Variants in TLK1 observed in about 807,000 individuals in gnomAD.
TLK1 encodes tousled like kinase 1, also known as serine/threonine-protein kinase tousled-like 1.
TLK1 carries 24 observed loss-of-function variants against 105.3 expected under a neutral mutation model. The ratio of observed to expected loss-of-function variants is 0.23; its 90% CI spans 0.17 to 0.32. The LOEUF (loss-of-function observed/expected upper bound fraction) is 0.32, where lower values mean the gene tolerates loss of function less well. Among genes scored for constraint, TLK1 ranks in the 10% least tolerant of loss-of-function variants. The probability of loss-of-function intolerance (pLI) is 1.00; values close to 1 mark genes in which losing one functional copy is unlikely to be tolerated. For synonymous variants in TLK1, 321 were observed against 310.4 expected (o/e 1.03, Z -0.36); for missense variants, 558 against 910.5 (o/e 0.61, Z 4.98).
chr2:171,185,274 T>C (rs907262135), intron 1 of TLK1, among the ~76,000 whole-genome samples: 25 of 152,196 alleles, frequency 1.6e-4, no homozygotes, highest in African/African-American at 5.5e-4. Flanking sequence ...TTAACTGCTG[T>C]CTCTGGTTTT....
At chr2:171,048,928 A>C (rs958788733) in intron 10 of TLK1, among the ~76,000 whole-genome samples, 10 of 152,254 alleles carry the variant, frequency 6.6e-5, no homozygotes, top group African/African-American at 2.4e-4. Flanking sequence ...AGCACTCCTT[A>C]ACACATAAAC....
chr2:171,044,631 G>A (rs1469581808), intron 11 of TLK1, among the ~76,000 whole-genome samples: 1 of 152,080 alleles, frequency 6.6e-6, no homozygotes, highest in Non-Finnish European at 1.5e-5. Context: ...AACCCTAAGA[G>A]TAGATACTAC....
At chr2:171,085,250 G>A (rs1187515903) in intron 2 of TLK1, among the ~76,000 whole-genome samples, 1 of 151,974 alleles carries the variant, frequency 6.6e-6, no homozygotes, top group African/African-American at 2.4e-5. Flanking sequence ...TTAGCCAGGC[G>A]TGATGGTGCA....
chr2:171,148,987 G>C (rs927472624), intron 1 of TLK1, among the ~76,000 whole-genome samples: 2 of 143,386 alleles, frequency 1.4e-5, no homozygotes, highest in African/African-American at 2.6e-5. Context: ...AGTTGATTTT[G>C]TTGATATGTA....
chr2:171,122,757 G>A (rs886925618), intron 1 of TLK1, among the ~76,000 whole-genome samples: 1 of 151,468 alleles, frequency 6.6e-6, no homozygotes, highest in Non-Finnish European at 1.5e-5. Context: ...TTTTATAATA[G>A]GCCAGGTGCA....
At chr2:171,103,264 TTA>T (rs571890429) in intron 2 of TLK1, among the ~76,000 whole-genome samples, 20 of 136,410 alleles carry the variant, frequency 1.5e-4, no homozygotes, top group Admixed American at 2.9e-4. Flanking sequence ...GATCTCAAAT[TTA>T]TATATATATA....
At chr2:171,097,178 T>C (rs13427660) in intron 2 of TLK1, among the ~76,000 whole-genome samples, 2,444 of 152,140 alleles carry the variant, frequency 0.016, 73 homozygotes, top group African/African-American at 0.055. Flanking sequence ...AATCCACACA[T>C]GTAGGGTGAA....
chr2:171,193,880 C>T (rs1693210626), intron 1 of TLK1, among the ~76,000 whole-genome samples: 1 of 151,818 alleles, frequency 6.6e-6, no homozygotes, highest in African/African-American at 2.4e-5. Context: ...ACCTCATGCC[C>T]AGCTAATTTT....
intron 3 of TLK1, among the ~76,000 whole-genome samples, chr2:171,081,329 T>A (rs1013011356): frequency 2.0e-5 from 3 of 152,174 alleles, no homozygotes; most frequent in African/African-American, 7.2e-5. Context: ...TTTGCTTTTT[T>A]AAAAAATCTA....
chr2:171,117,922 C>T, intron 1 of TLK1, 65 bp from the exon 2 acceptor site: 2 of 1,074,168 alleles, frequency 1.9e-6, no homozygotes, highest in Non-Finnish European at 2.7e-6. Flanking sequence ...CTTACACACA[C>T]AAATATATAT....
Position 170,997,713 on chromosome 2 carries a change from T to C in TLK1, c.2015A>G (p.Lys672Arg), listed in dbSNP as rs1328602771. Reference protein sequence around the residue: ...VIFFQCLYGRKPFGHNQSQQD... With the variant: ...VIFFQCLYGRRPFGHNQSQQD... ...GAAGGCTGGTAGAATTCAATTTACC[T>C]TTCTACCATAAAGACACTGAAAGAA... The change falls in exon 19 of 21, where the codon AAG becomes AGG. Residue 672 changes from lysine to arginine, a missense_variant and splice_region_variant. Coordinates refer to ENST00000431350, the MANE Select transcript of TLK1 (RefSeq NM_012290.5). 6.3e-7 allele frequency: 1 copy of C among 1,581,254 alleles called. No individual in the cohort carries two copies. The highest frequency in any genetic ancestry group is 2.2e-5 in the East Asian group (1 of 44,530).
chr2:171,105,809 TA>T (rs965297872), intron 2 of TLK1, among the ~76,000 whole-genome samples: 4 of 151,092 alleles, frequency 2.6e-5, no homozygotes, highest in Non-Finnish European at 4.4e-5. Context: ...GGAGGCTCCT[TA>T]AAAAAAAAGA....
At chr2:171,118,476 T>C (rs961871069) in intron 1 of TLK1, among the ~76,000 whole-genome samples, 1 of 152,178 alleles carries the variant, frequency 6.6e-6, no homozygotes, top group African/African-American at 2.4e-5. Context: ...GGTTGATAGT[T>C]TTAAGTTTCC....
At chr2:171,050,752 A>G (rs1214870605) in intron 8 of TLK1, among the ~76,000 whole-genome samples, 2 of 152,214 alleles carry the variant, frequency 1.3e-5, no homozygotes, top group African/African-American at 4.8e-5. Context: ...ATATGCTCAG[A>G]GAAGAGGCTT....
intron 1 of TLK1, among the ~76,000 whole-genome samples, chr2:171,140,293 C>T (rs1361286512): frequency 6.6e-6 from 1 of 152,178 alleles, no homozygotes; most frequent in Admixed American, 6.5e-5. Context: ...AATCTTCTGG[C>T]TGAAGAAACT....
intron 3 of TLK1, among the ~76,000 whole-genome samples, chr2:171,072,855 G>C (rs985372742): frequency 6.6e-6 from 1 of 151,636 alleles, no homozygotes; most frequent in Admixed American, 6.6e-5. Flanking sequence ...CTTGAACCGG[G>C]GAGGTGGTGG....
intron 11 of TLK1, among the ~76,000 whole-genome samples, chr2:171,044,493 C>CAA (rs1393526558): frequency 6.6e-6 from 1 of 152,094 alleles, no homozygotes; most frequent in Non-Finnish European, 1.5e-5. Flanking sequence ...TCCTGTGAGA[C>CAA]ATTTAAGTAC....
rs1452526119 is a variant in TLK1 at position 171,049,831 on chromosome 2, T to C, written c.963A>G (p.Ala321=). 1.2e-6 allele frequency: 2 copies of C among 1,613,752 alleles called. No homozygotes were observed. The highest frequency in any genetic ancestry group is 1.7e-6 in the Non-Finnish European group (2 of 1,179,890). Residue 321 remains alanine, a synonymous_variant, in exon 10 of 21, where the codon GCA becomes GCG. Coordinates refer to ENST00000431350, the MANE Select transcript of TLK1 (RefSeq NM_012290.5). ...SFTEQWTDGF[A]FQNLVKQQEW... is the part of the protein sequence containing the mutation. ...TGACTAACTTCACAAGATTCTGAAATGCAAAACCATCTGTCCATTGTTCAG... is the reference window on the plus strand; with the variant it reads ...TGACTAACTTCACAAGATTCTGAAACGCAAAACCATCTGTCCATTGTTCAG...
chr2:171,067,118 C>A, intron 3 of TLK1: 3 of 696,726 alleles, frequency 4.3e-6, no homozygotes, highest in Non-Finnish European at 6.3e-6. Flanking sequence ...GGTATACATA[C>A]TTTTAAATGT....
Sources: gnomAD v4.1 joint callset for allele counts (sites outside exome capture counted in the v4.1 genomes callset) on GRCh38, gnomAD v4.1.1 for gene constraint, MANE v1.5 for transcripts, NCBI Gene and HGNC (gene_info 2026-07-23, HGNC 2026-07-21) for gene names.